Variants in PYURF observed in about 807,000 individuals in gnomAD.
PYURF encodes PIGY upstream open reading frame.
A neutral mutation model predicts 8.0 loss-of-function variants in PYURF; 9 were observed. That is an observed-to-expected ratio of 1.13 (90% CI 0.68 to 1.97). PYURF has a LOEUF of 1.97. PYURF is among the 30% of genes most tolerant of loss of function. The pLI is 0.00. For missense variants in PYURF, 130 were observed against 158.0 expected (o/e 0.82, Z 0.95); for synonymous variants, 56 against 68.3 (o/e 0.82, Z 0.89).
At position 88,521,828 on chromosome 4, in the gene PYURF, A is replaced by G; in HGVS notation, c.*60T>C. Reference sequence around the variant, plus strand: ...TTATTACCTGCCACTGTGTTTTAAAAGGTATATGGTATTAAGAAAAGTTGG... The same window carrying G: ...TTATTACCTGCCACTGTGTTTTAAAGGGTATATGGTATTAAGAAAAGTTGG... On this transcript the variant is annotated 3_prime_UTR_variant, in exon 2 of 2. Coordinates refer to ENST00000273968, the MANE Select transcript of PYURF (RefSeq NM_032906.5). 1 of 1,586,144 alleles carries G rather than the reference A, an allele frequency of 6.3e-7. No individual in the cohort carries two copies. Among genetic ancestry groups the G allele is most frequent in the Non-Finnish European group, 8.6e-7 (1 of 1,165,590 alleles).
intron 1 of PYURF, among the ~76,000 whole-genome samples, 194 bp from the exon 2 acceptor site, chr4:88,522,223 T>C (rs2149117861): frequency 6.6e-6 from 1 of 152,340 alleles, no homozygotes; most frequent in African/African-American, 2.4e-5. Context: ...AATCTATAAT[T>C]ATTCCCATTT....
chr4:88,523,733 G>A lies in PYURF; in HGVS notation c.-33C>T, dbSNP rs930314967. 9.2e-6 allele frequency: 13 copies of A among 1,411,718 alleles called. No individual in the cohort carries two copies. The African/African-American group carries it at 1.1e-4, about 12-fold the overall frequency. The allele number at this position is 1,411,718 out of a possible 1,614,324, so 87.4% of individuals were successfully genotyped here. On this transcript the variant is annotated 5_prime_UTR_variant, in exon 1 of 2. Transcript: ENST00000273968. Reference sequence around the variant, plus strand: ...CAGCCGGAGACCAGGCCTCACCGCAGCCTCGCCACCCGTGGCCGAGCTCCC... The same window carrying A: ...CAGCCGGAGACCAGGCCTCACCGCAACCTCGCCACCCGTGGCCGAGCTCCC...
intron 1 of PYURF, 43 bp from the exon 2 acceptor site, chr4:88,522,072 A>C (rs1560623978): frequency 6.6e-7 from 1 of 1,503,780 alleles, no homozygotes; most frequent in East Asian, 2.5e-5. Flanking sequence ...GTGGGAAAAT[A>C]AAATGCTTGA....
rs763310709 is a variant in PYURF at position 88,521,810 on chromosome 4, C to G, written c.*78G>C. 1 of 1,601,804 alleles carries G rather than the reference C, an allele frequency of 6.2e-7. No homozygotes were observed. The highest frequency in any genetic ancestry group is 8.5e-7 in the Non-Finnish European group (1 of 1,173,472). On this transcript the variant is annotated 3_prime_UTR_variant, in exon 2 of 2. Transcript: ENST00000273968. ...AACATTCTTCTCTTCCACTTATTACCTGCCACTGTGTTTTAAAAGGTATAT... is the reference window on the plus strand; with the variant it reads ...AACATTCTTCTCTTCCACTTATTACGTGCCACTGTGTTTTAAAAGGTATAT...
rs1252359478 is a variant in PYURF, at chr4:88,523,447, C to G, written c.203+51G>C. 5 of 1,542,696 alleles carry G rather than the reference C, an allele frequency of 3.2e-6. No individual in the cohort carries two copies. The African/African-American group carries it at 5.5e-5, about 17-fold the overall frequency. On this transcript the variant is annotated intron_variant, in intron 1 of 1. Transcript: ENST00000273968. ...GCAAGAGGCCGCGGTCCACCGCTCC[C>G]TTTCCGCCCACCGGGAGGCTGCAAA...
chr4:88,523,432 G>T, intron 1 of PYURF, 66 bp downstream of exon 1: 1 of 1,510,728 alleles, frequency 6.6e-7, no homozygotes, highest in Non-Finnish European at 9.0e-7. Context: ...GCAAGAGGCC[G>T]CGGTCCACCG....
chr4:88,523,197 C>CG (rs1422063977), intron 1 of PYURF, among the ~76,000 whole-genome samples: 5 of 152,186 alleles, frequency 3.3e-5, no homozygotes, highest in Non-Finnish European at 5.9e-5. Context: ...GTCGGGGAAT[C>CG]GGCATTTTTA....
Position 88,523,579 on chromosome 4 carries a change from T to G in PYURF, c.122A>C (p.Lys41Thr). The change falls in exon 1 of 2, where the codon AAG becomes ACG. Residue 41 changes from lysine to threonine, a missense_variant. Transcript: ENST00000273968. ...GTCGCGGGGCGGCTCCTCAGTCTTC[T>G]TGCCCCGGTCGGCCAAAGGCCGCGA... ...SGSRPLADRGKKTEEPPRDFD... is the reference protein window; with the variant it reads ...SGSRPLADRGTKTEEPPRDFD... 6.5e-7 allele frequency: 1 copy of G among 1,550,354 alleles called. No individual in the cohort carries two copies. Among genetic ancestry groups the G allele is most frequent in the Non-Finnish European group, 8.7e-7 (1 of 1,146,820 alleles).
intron 1 of PYURF, among the ~76,000 whole-genome samples, chr4:88,522,355 C>T (rs1175183951): frequency 6.6e-6 from 1 of 152,082 alleles, no homozygotes; most frequent in African/African-American, 2.4e-5. Context: ...CTTTGGTCAA[C>T]CCCCAAACCA....
intron 1 of PYURF, among the ~76,000 whole-genome samples, chr4:88,522,637 T>G (rs1742412166): frequency 6.6e-6 from 1 of 152,212 alleles, no homozygotes; most frequent in Non-Finnish European, 1.5e-5. Context: ...AATCTACCAT[T>G]CAAAGATAAC....
intron 1 of PYURF, among the ~76,000 whole-genome samples, chr4:88,522,257 T>C (rs570389553): frequency 1.3e-5 from 2 of 152,342 alleles, no homozygotes; most frequent in South Asian, 4.1e-4. Context: ...CATATTCTCT[T>C]TTTCACCTTA....
In PYURF at chr4:88,522,842, C is replaced by T. The variant is rs140538968; in HGVS notation, c.203+656G>A. 6.3e-3 allele frequency among the ~76,000 whole-genome samples: 965 copies of T among 152,316 alleles called. 7 individuals carry two copies. The highest frequency in any genetic ancestry group is 9.4e-3 in the Non-Finnish European group (638 of 68,034). Reference sequence around the variant, plus strand: ...CTGAATTGCTTAAGATTGTCAGGCACCAGTTGTACAAGACACTTTCACAAG... The same window carrying T: ...CTGAATTGCTTAAGATTGTCAGGCATCAGTTGTACAAGACACTTTCACAAG... On this transcript the variant is annotated intron_variant, in intron 1 of 1. Coordinates refer to ENST00000273968, the MANE Select transcript of PYURF (RefSeq NM_032906.5).
intron 1 of PYURF, 55 bp from the exon 2 acceptor site, chr4:88,522,084 G>T: frequency 6.8e-7 from 1 of 1,472,778 alleles, no homozygotes; most frequent in Non-Finnish European, 9.1e-7. Context: ...AATGCTTGAA[G>T]AGCCTGATTT....
intron 1 of PYURF, among the ~76,000 whole-genome samples, chr4:88,522,519 A>G (rs1358145422): frequency 6.6e-6 from 1 of 152,234 alleles, no homozygotes; most frequent in Non-Finnish European, 1.5e-5. Context: ...GAAAGCACTA[A>G]GTCTGCAGTG....
At position 88,521,880 on chromosome 4, in the gene PYURF, A is replaced by C. The variant is rs995166916; in HGVS notation, c.*8T>G. On this transcript the variant is annotated 3_prime_UTR_variant, in exon 2 of 2. Transcript: ENST00000273968. ...TGTTGCGTTTTTTTAATTTTTTTAA[A>C]TTATGAACTAGCGCTGCTCCACTTC... The C allele has an allele frequency of 6.5e-7, 1 of 1,541,160 alleles. No homozygotes were observed. Among genetic ancestry groups the C allele is most frequent in the Non-Finnish European group, 8.7e-7 (1 of 1,144,318 alleles).
At position 88,521,977 on chromosome 4, in the gene PYURF, G is replaced by T. The variant is rs1742385400; in HGVS notation, c.256C>A (p.Pro86Thr). 3 of 1,551,174 alleles carry T rather than the reference G, an allele frequency of 1.9e-6. No homozygotes were observed. Among genetic ancestry groups the T allele is most frequent in the African/African-American group, 1.4e-5 (1 of 73,096 alleles). Reference protein sequence around the residue: ...LINEELGIAYPIIDGIPNMIP... With the variant: ...LINEELGIAYTIIDGIPNMIP... Reference sequence around the variant, plus strand: ...ATATTAGGGATCCCATCAATGATTGGATAAGCTATTCCCAACTCTTCATTA... The same window carrying T: ...ATATTAGGGATCCCATCAATGATTGTATAAGCTATTCCCAACTCTTCATTA... The change falls in exon 2 of 2, where the codon CCA (proline) becomes ACA (threonine). Residue 86 changes from proline to threonine, a missense_variant. By Grantham distance (38) the Pro-to-Thr change is conservative. Transcript: ENST00000273968.
intron 1 of PYURF, 103 bp from the exon 2 acceptor site, chr4:88,522,132 A>G: frequency 9.6e-7 from 1 of 1,036,902 alleles, no homozygotes; most frequent in Non-Finnish European, 1.4e-6. Flanking sequence ...TTTGGTACGG[A>G]GTTAATCCCA....
rs542305150 is a variant in PYURF at position 88,523,410 on chromosome 4, G to T, written c.203+88C>A. The T allele has an allele frequency of 8.9e-6, 12 of 1,344,406 alleles. No homozygotes were observed. In the East Asian group the frequency reaches 2.8e-4, roughly 31 times the overall value. 83.3% of individuals were successfully genotyped at this position (1,344,406 alleles called of 1,614,324 possible). On this transcript the variant is annotated intron_variant, in intron 1 of 1. Coordinates refer to ENST00000273968, the MANE Select transcript of PYURF (RefSeq NM_032906.5). The stretch of plus-strand genomic sequence containing the variant: ...GGAGAGTACCTGACCGACCTACAAG[G>T]CCCCAGTGGCTGCAAGAGGCCGCGG...
intron 1 of PYURF, among the ~76,000 whole-genome samples, chr4:88,523,190 G>A (rs1383694998): frequency 3.3e-5 from 5 of 152,168 alleles, no homozygotes. Context: ...GGGGGCTGTC[G>A]GGGAATCGGC....
Sources: gnomAD v4.1 joint callset for allele counts (sites outside exome capture counted in the v4.1 genomes callset) on GRCh38, gnomAD v4.1.1 for gene constraint, MANE v1.5 for transcripts, NCBI Gene and HGNC (gene_info 2026-07-23, HGNC 2026-07-21) for gene names.